ARHGAP17: variants seen among roughly 807,000 people sequenced by gnomAD.
ARHGAP17 encodes the protein rho GTPase-activating protein 17.
Under a neutral mutation model 99.5 loss-of-function variants are expected in ARHGAP17, and 57 were observed. The observed-to-expected ratio is 0.57, with a 90% CI of 0.46 to 0.71. The LOEUF (loss-of-function observed/expected upper bound fraction) is 0.71, where lower values mean the gene tolerates loss of function less well. Among genes scored for constraint, ARHGAP17 ranks in the 30% least tolerant of loss-of-function variants. ARHGAP17 has a pLI of 0.00. For missense variants in ARHGAP17, 1,000 were observed against 1,122.4 expected, an observed-to-expected ratio of 0.89 and a Z score of 1.56; for synonymous variants, 417 against 429.6, an observed-to-expected ratio of 0.97 and a Z score of 0.36.
chr16:24,983,133 T>C (rs1479246108), intron 1 of ARHGAP17, among the ~76,000 whole-genome samples: 1 of 150,308 alleles, frequency 6.7e-6, no homozygotes, highest in Non-Finnish European at 1.5e-5. Flanking sequence ...GCCTACCAGG[T>C]AGCTGAGACT....
chr16:24,935,742 G>T, intron 17 of ARHGAP17, 103 bp from the exon 18 acceptor site: 1 of 1,268,278 alleles, frequency 7.9e-7, no homozygotes, highest in Non-Finnish European at 1.1e-6. Context: ...TTTCACTTCG[G>T]CAGGCAGGAA....
chr16:24,977,072 C>T (rs758461772), intron 3 of ARHGAP17, 143 bp downstream of exon 3: 14 of 481,510 alleles, frequency 2.9e-5, no homozygotes, highest in Non-Finnish European at 4.2e-5. Context: ...GCTATGGTCA[C>T]GCAGGTGTCA....
intron 9 of ARHGAP17, among the ~76,000 whole-genome samples, chr16:24,959,020 A>G (rs1026545305): frequency 6.6e-6 from 1 of 152,184 alleles, no homozygotes; most frequent in African/African-American, 2.4e-5. Context: ...GAAAAAAAAA[A>G]AAGCAGCTTT....
At position 25,002,079 on chromosome 16, in the gene ARHGAP17, T is replaced by TA. The variant is rs758109158; in HGVS notation, c.53+13129dup. Among the ~76,000 whole-genome samples the TA allele has an allele frequency of 3.9e-3, 511 of 129,796 alleles. 1 individual carries two copies. The highest frequency in any genetic ancestry group is 0.013 in the African/African-American group (456 of 34,810). The allele number at this position is 129,796 out of a possible 152,430, so 85.2% of individuals were successfully genotyped here. On this transcript the variant is annotated intron_variant, in intron 1 of 19. Transcript: ENST00000289968. ...CTGGGTGACAGAGCGAGACTCCATC[T>TA]AAAAAAAAAAAAAATGTTGATGCAA...
At chr16:24,948,313 A>G (rs1312831801) in intron 13 of ARHGAP17, among the ~76,000 whole-genome samples, 1 of 152,210 alleles carries the variant, frequency 6.6e-6, no homozygotes, top group Non-Finnish European at 1.5e-5. Flanking sequence ...GTATGTACAC[A>G]CGAATGTATC....
Position 24,984,503 on chromosome 16 carries a change from A to G in ARHGAP17, c.54-5498T>C, listed in dbSNP as rs973728579. On this transcript the variant is annotated intron_variant, in intron 1 of 19. Coordinates refer to ENST00000289968, the MANE Select transcript of ARHGAP17 (RefSeq NM_001006634.3). The stretch of plus-strand genomic sequence containing the variant: ...CCCCGTCTCTACTAAAAATACAAAA[A>G]AAAAATTAGCCAGGCAGTGGCAGGC... Among the ~76,000 whole-genome samples, 4 of 152,122 alleles carry G rather than the reference A, an allele frequency of 2.6e-5. 1 individual carries two copies. The East Asian group carries it at 7.8e-4, about 29-fold the overall frequency.
chr16:24,995,915 C>T (rs1233444038), intron 1 of ARHGAP17, among the ~76,000 whole-genome samples: 2 of 151,940 alleles, frequency 1.3e-5, no homozygotes, highest in Non-Finnish European at 2.9e-5. Context: ...TTTAAGAGAC[C>T]AAGGGCTTTG....
At chr16:24,923,889 G>A (rs746986094) in intron 19 of ARHGAP17, among the ~76,000 whole-genome samples, 4 of 152,032 alleles carry the variant, frequency 2.6e-5, no homozygotes, top group Non-Finnish European at 5.9e-5. Flanking sequence ...AAACAGAAGT[G>A]GGTATTTAAG....
intron 1 of ARHGAP17, among the ~76,000 whole-genome samples, chr16:24,994,295 G>A (rs1409792107): frequency 6.6e-6 from 1 of 152,178 alleles, no homozygotes; most frequent in Non-Finnish European, 1.5e-5. Context: ...GCTTTTTAAT[G>A]AGGTGTTTTG....
At chr16:24,944,167 A>C (rs2051398348) in intron 14 of ARHGAP17, among the ~76,000 whole-genome samples, 1 of 151,296 alleles carries the variant, frequency 6.6e-6, no homozygotes, top group South Asian at 2.1e-4. Context: ...GCTACTCGGG[A>C]GGCTGAGGCA....
At chr16:24,927,996 C>T (rs912152115) in intron 19 of ARHGAP17, among the ~76,000 whole-genome samples, 13 of 152,196 alleles carry the variant, frequency 8.5e-5, no homozygotes, top group African/African-American at 3.1e-4. Flanking sequence ...AGCCTTAACC[C>T]AACTCTTTAA....
intron 2 of ARHGAP17, among the ~76,000 whole-genome samples, 196 bp downstream of exon 2, chr16:24,978,770 G>A (rs975352032): frequency 2.0e-5 from 3 of 151,138 alleles, no homozygotes; most frequent in Non-Finnish European, 2.9e-5. Context: ...TCGAACCCAG[G>A]TAGCTGGGTT....
intron 7 of ARHGAP17, among the ~76,000 whole-genome samples, chr16:24,961,972 G>GTTTTTT (rs59272654): frequency 6.6e-4 from 90 of 136,800 alleles, no homozygotes; most frequent in East Asian, 1.2e-3. Context: ...GAGAGAGTTT[G>GTTTTTT]TTTTTTTTTT....
chr16:24,954,869 G>C, intron 9 of ARHGAP17, 139 bp from the exon 10 acceptor site: 1 of 1,248,258 alleles, frequency 8.0e-7, no homozygotes, highest in Non-Finnish European at 1.1e-6. Flanking sequence ...TGTTCTATTT[G>C]CTTTTGTTAT....
At chr16:24,921,284 C>T (rs758895327) in intron 19 of ARHGAP17, among the ~76,000 whole-genome samples, 2 of 152,138 alleles carry the variant, frequency 1.3e-5, no homozygotes, top group Non-Finnish European at 2.9e-5. Context: ...TTATGAGAGC[C>T]TCATTAGGTA....
intron 12 of ARHGAP17, among the ~76,000 whole-genome samples, 170 bp downstream of exon 12, chr16:24,952,113 AATAATT>A (rs146125428): frequency 0.013 from 2,049 of 152,344 alleles, 43 homozygotes; most frequent in African/African-American, 0.046. Flanking sequence ...TTCCTACACT[AATAATT>A]ATAATACTTG....
At chr16:25,000,725 C>G (rs1192993560) in intron 1 of ARHGAP17, among the ~76,000 whole-genome samples, 1 of 152,178 alleles carries the variant, frequency 6.6e-6, no homozygotes, top group Non-Finnish European at 1.5e-5. Flanking sequence ...CTGCCACATA[C>G]GCTCCATTAA....
chr16:25,002,411 T>C (rs2053386229), intron 1 of ARHGAP17, among the ~76,000 whole-genome samples: 1 of 152,236 alleles, frequency 6.6e-6, no homozygotes, highest in African/African-American at 2.4e-5. Flanking sequence ...TAGCTTCCTA[T>C]CTGGGTTCCC....
chr16:24,967,841 A>G (rs1469656695), intron 6 of ARHGAP17, among the ~76,000 whole-genome samples: 1 of 152,128 alleles, frequency 6.6e-6, no homozygotes, highest in African/African-American at 2.4e-5. Flanking sequence ...TCAAGGACAA[A>G]GCAGAGGCAG....
Sources: allele counts gnomAD v4.1 joint callset (sites outside exome capture counted in the v4.1 genomes callset), GRCh38; gene constraint gnomAD v4.1.1; transcripts MANE v1.5; gene names NCBI Gene and HGNC (gene_info 2026-07-23, HGNC 2026-07-21).